The following PRKN variants were observed in gnomAD, a reference collection of about 807,000 sequenced individuals.
PRKN encodes the protein E3 ubiquitin-protein ligase parkin.
In PRKN, 56 loss-of-function variants were observed where a neutral mutation model predicts 59.5. The observed-to-expected ratio is 0.94, with a 90% confidence interval of 0.76 to 1.18. The LOEUF is 1.18. Among genes scored for constraint, PRKN ranks in the 50% most tolerant of loss-of-function variants. The pLI is 0.00. For missense variants in PRKN, 657 were observed against 596.4 expected (o/e 1.10, Z -1.06); for synonymous variants, 250 against 222.1 (o/e 1.13, Z -1.12).
At chr6:161,841,873 C>T (rs1583233506) in intron 6 of PRKN, among the ~76,000 whole-genome samples, 1 of 152,172 alleles carries the variant, frequency 6.6e-6, no homozygotes, top group South Asian at 2.1e-4. Flanking sequence ...CAACCCCCAA[C>T]CACTCTGTCT....
At chr6:161,885,402 A>C (rs923128202) in intron 6 of PRKN, among the ~76,000 whole-genome samples, 10 of 152,068 alleles carry the variant, frequency 6.6e-5, no homozygotes, top group South Asian at 2.1e-4. Context: ...GCGGTGGCTC[A>C]GCCTGTAATC....
At chr6:162,063,500 A>C (rs1020665136) in intron 4 of PRKN, among the ~76,000 whole-genome samples, 2 of 152,118 alleles carry the variant, frequency 1.3e-5, no homozygotes, top group Non-Finnish European at 2.9e-5. Context: ...CTCATATATC[A>C]TTGGTGGAAA....
At chr6:162,462,602 T>C (rs1220114446) in intron 1 of PRKN, among the ~76,000 whole-genome samples, 1 of 152,178 alleles carries the variant, frequency 6.6e-6, no homozygotes, top group Admixed American at 6.5e-5. Flanking sequence ...AGGGCTAATG[T>C]GTATCTTGCC....
intron 7 of PRKN, among the ~76,000 whole-genome samples, chr6:161,713,215 G>A (rs1387917552): frequency 6.6e-6 from 1 of 152,150 alleles, no homozygotes; most frequent in East Asian, 1.9e-4. Context: ...AGATGAATAG[G>A]GTGAGGTGGG....
intron 2 of PRKN, among the ~76,000 whole-genome samples, chr6:162,425,306 G>A (rs778014872): frequency 8.5e-5 from 13 of 152,124 alleles, no homozygotes; most frequent in East Asian, 1.9e-4. Context: ...AGCCTGCCAC[G>A]AAGCAGCCCC....
intron 7 of PRKN, among the ~76,000 whole-genome samples, chr6:161,656,455 C>G (rs556931695): frequency 1.1e-3 from 164 of 152,332 alleles, no homozygotes; most frequent in African/African-American, 3.4e-3. Flanking sequence ...GCTAACCCCA[C>G]AGGACAGGGG....
In PRKN at chr6:162,131,370, C is replaced by T. The variant is rs75802475; in HGVS notation, c.534+69761G>A. 1.8e-3 allele frequency among the ~76,000 whole-genome samples: 274 copies of T among 152,292 alleles called. 4 individuals carry two copies. The highest frequency in any genetic ancestry group is 6.3e-3 in the African/African-American group (260 of 41,556). Reference sequence around the variant, plus strand: ...AAATGAATTTTAGTTGTATAATGTTCTCTCTTTTCACATTGTTTTCATAGC... The same window carrying T: ...AAATGAATTTTAGTTGTATAATGTTTTCTCTTTTCACATTGTTTTCATAGC... On this transcript the variant is annotated intron_variant, in intron 4 of 11. Transcript: ENST00000366898.
Position 161,372,656 on chromosome 6 carries a change from C to A in PRKN, c.1168-12451G>T, listed in dbSNP as rs1438845239. Among the ~76,000 whole-genome samples the A allele has an allele frequency of 6.6e-6, 1 of 152,024 alleles. No individual in the cohort carries two copies. The highest frequency in any genetic ancestry group is 1.5e-5 in the Non-Finnish European group (1 of 67,996). ...CACCGGAAGCGCTTGTGCTGTGGCT[C>A]CCCCACTACCCCTCTGGGTCTGAAT... is the stretch of plus-strand genomic sequence containing the variant. On this transcript the variant is annotated intron_variant, in intron 10 of 11. Coordinates refer to ENST00000366898, the MANE Select transcript of PRKN (RefSeq NM_004562.3). This position sits in a 1 kb window ranked among gnomAD's most constrained non-coding sequence, Gnocchi z 4.2.
intron 7 of PRKN, among the ~76,000 whole-genome samples, chr6:161,743,096 T>C (rs193186376): frequency 6.6e-6 from 1 of 152,070 alleles, no homozygotes; most frequent in African/African-American, 2.4e-5. Context: ...TGAAATGAAT[T>C]TTTTTTTCCC....
intron 7 of PRKN, among the ~76,000 whole-genome samples, chr6:161,661,853 T>C (rs1784560353): frequency 6.6e-6 from 1 of 151,986 alleles, no homozygotes; most frequent in Admixed American, 6.6e-5. Flanking sequence ...TGAAACCCCG[T>C]CTCTACTAAA....
chr6:162,510,365 T>TATG (rs1777541494), intron 1 of PRKN, among the ~76,000 whole-genome samples: 1 of 150,580 alleles, frequency 6.6e-6, no homozygotes, highest in Non-Finnish European at 1.5e-5. Context: ...GCATTTTCCA[T>TATG]ATGATGATGG....
chr6:162,105,887 T>C (rs937471028), intron 4 of PRKN, among the ~76,000 whole-genome samples: 4 of 152,248 alleles, frequency 2.6e-5, no homozygotes, highest in Non-Finnish European at 5.9e-5. Context: ...GTTTGGAACA[T>C]TATTAATGAT....
At chr6:161,862,367 T>C (rs1793937544) in intron 6 of PRKN, among the ~76,000 whole-genome samples, 1 of 152,158 alleles carries the variant, frequency 6.6e-6, no homozygotes, top group Non-Finnish European at 1.5e-5. Flanking sequence ...CAACTCTAAG[T>C]GGGAGCAGAG....
Position 161,443,180 on chromosome 6 carries a change from C to T in PRKN, c.1084-56303G>A, listed in dbSNP as rs191865381. Among the ~76,000 whole-genome samples the T allele has an allele frequency of 1.7e-3, 264 of 152,074 alleles. 7 individuals carry two copies. In the East Asian group the frequency reaches 0.047, roughly 27 times the overall value. On this transcript the variant is annotated intron_variant, in intron 9 of 11. Transcript: ENST00000366898. Reference sequence around the variant, plus strand: ...AAATTAGCTGGGTGTGGTGGTGGTGCATGCCTGTAATCCCAGCTACTTGGG... The same window carrying T: ...AAATTAGCTGGGTGTGGTGGTGGTGTATGCCTGTAATCCCAGCTACTTGGG...
In PRKN at chr6:161,390,580, C is replaced by T. The variant is rs181594398; in HGVS notation, c.1084-3703G>A. ...CTCGGCTCACTGCAACCTCCGCCTC[C>T]CGGGTTCAAGCAATTCTCCCGTCTC... On this transcript the variant is annotated intron_variant, in intron 9 of 11. Transcript: ENST00000366898. The surrounding 1 kb of genome is among the most constrained non-coding windows in gnomAD (Gnocchi z 7.0). Among the ~76,000 whole-genome samples the T allele has an allele frequency of 4.7e-4, 71 of 152,304 alleles. 1 individual carries two copies. Among genetic ancestry groups the T allele is most frequent in the African/African-American group, 1.5e-3 (64 of 41,556 alleles).
chr6:162,654,860 C>T (rs1778583268), intron 1 of PRKN, among the ~76,000 whole-genome samples: 1 of 151,958 alleles, frequency 6.6e-6, no homozygotes, highest in Non-Finnish European at 1.5e-5. Flanking sequence ...GGGGAAATCC[C>T]CCTATAAAAC....
intron 3 of PRKN, among the ~76,000 whole-genome samples, chr6:162,249,857 C>T (rs1350683686): frequency 6.6e-6 from 1 of 150,812 alleles, no homozygotes; most frequent in Non-Finnish European, 1.5e-5. Context: ...AAAACGAAAC[C>T]TTTGTGGGCT....
intron 2 of PRKN, among the ~76,000 whole-genome samples, chr6:162,331,764 T>C (rs1001686398): frequency 6.6e-6 from 1 of 152,158 alleles, no homozygotes; most frequent in East Asian, 1.9e-4. Context: ...CTAAAAGCCA[T>C]AGTACGTGTC....
intron 6 of PRKN, among the ~76,000 whole-genome samples, chr6:161,798,132 C>T (rs545556843): frequency 1.3e-5 from 2 of 152,122 alleles, no homozygotes; most frequent in Non-Finnish European, 2.9e-5. Flanking sequence ...ACTCAGGAGG[C>T]GGAGGTTGCA....
Sources: allele counts gnomAD v4.1 joint callset (sites outside exome capture counted in the v4.1 genomes callset), GRCh38; gene constraint gnomAD v4.1.1; non-coding constraint Gnocchi (gnomAD v3.1); transcripts MANE v1.5; gene names NCBI Gene and HGNC (gene_info 2026-07-23, HGNC 2026-07-21).